MAN1C1: variants seen among roughly 807,000 people sequenced by gnomAD.
MAN1C1 encodes the protein mannosidase alpha class 1C member 1, also known as mannosyl-oligosaccharide 1,2-alpha-mannosidase IC.
Under a neutral mutation model 71.5 loss-of-function variants are expected in MAN1C1, and 49 were observed. That is an observed-to-expected ratio of 0.69 (90% confidence interval 0.54 to 0.87). The LOEUF (loss-of-function observed/expected upper bound fraction) is 0.87. MAN1C1 is among the 40% of genes least tolerant of loss of function. The pLI, the probability that MAN1C1 is intolerant of heterozygous loss-of-function variation, is 0.00. For missense variants in MAN1C1, 743 were observed against 835.0 expected (o/e 0.89, Z 1.36); for synonymous variants, 352 against 343.7 (o/e 1.02, Z -0.27).
At chr1:25,658,905 G>C (rs890623446) in intron 1 of MAN1C1, 1 of 152,482 alleles carries the variant, frequency 6.6e-6, no homozygotes. Flanking sequence ...GGGTTGTCCT[G>C]CTTGCTTATG....
chr1:25,678,979 CAGAGACAAGAAGAGAG>C (rs2046107186), intron 1 of MAN1C1, among the ~76,000 whole-genome samples: 1 of 151,278 alleles, frequency 6.6e-6, no homozygotes, highest in African/African-American at 2.4e-5. Flanking sequence ...GGTAGAGAGA[CAGAGACAAGAAGAGAG>C]AGAGAGGAGA....
At chr1:25,625,596 A>C (rs2045281703) in intron 1 of MAN1C1, among the ~76,000 whole-genome samples, 1 of 152,198 alleles carries the variant, frequency 6.6e-6, no homozygotes, top group Non-Finnish European at 1.5e-5. Context: ...TGGGAGGATC[A>C]CATGAAGATA....
rs1336662268 is a variant in MAN1C1, at chr1:25,712,743, C to T, written c.637+26207C>T. ...GCTTCAACCCTCCCTGGCTTAGTGC[C>T]CTGGGGTGACTTTCAGCCTAGTAGG... On this transcript the variant is annotated intron_variant, in intron 2 of 11. Transcript: ENST00000374332. Among the ~76,000 whole-genome samples, 4 of 152,264 alleles carry T rather than the reference C, an allele frequency of 2.6e-5. No homozygotes were observed. In the East Asian group the frequency reaches 5.8e-4, roughly 22 times the overall value.
rs189151096 is a variant in MAN1C1, at chr1:25,750,477, T to C, written c.834+1142T>C. On this transcript the variant is annotated intron_variant, in intron 4 of 11. Coordinates refer to ENST00000374332, the MANE Select transcript of MAN1C1 (RefSeq NM_020379.4). ...CTGCCCCCCGCCACCCAAGGAGCCA[T>C]GGAGGTGAGGCGGGCAAGCCACAGA... is the stretch of plus-strand genomic sequence containing the variant. Among the ~76,000 whole-genome samples, 1,130 of 152,054 alleles carry C rather than the reference T, an allele frequency of 7.4e-3. 6 individuals carry two copies. Among genetic ancestry groups the C allele is most frequent in the Middle Eastern group, 0.017 (5 of 294 alleles).
chr1:25,714,915 TCCAG>T (rs2046660293), intron 2 of MAN1C1, among the ~76,000 whole-genome samples: 1 of 152,146 alleles, frequency 6.6e-6, no homozygotes, highest in Non-Finnish European at 1.5e-5. Flanking sequence ...GTCTGCACTC[TCCAG>T]TTTGCAAGAT....
chr1:25,750,670 G>T (rs912394845), intron 4 of MAN1C1, among the ~76,000 whole-genome samples: 1 of 152,218 alleles, frequency 6.6e-6, no homozygotes, highest in Non-Finnish European at 1.5e-5. Flanking sequence ...CCTCAGCAGA[G>T]ATTAGCGCTT....
intron 2 of MAN1C1, among the ~76,000 whole-genome samples, chr1:25,688,652 G>A (rs540342284): frequency 1.3e-5 from 2 of 152,294 alleles, no homozygotes; most frequent in South Asian, 4.1e-4. Flanking sequence ...GAAAGAACCC[G>A]GAATTAGAAT....
chr1:25,719,128 A>G (rs2046724884), intron 2 of MAN1C1, among the ~76,000 whole-genome samples: 1 of 148,914 alleles, frequency 6.7e-6, no homozygotes, highest in African/African-American at 2.4e-5. Context: ...GCTGGACTGC[A>G]GTGGCGCGAT....
chr1:25,636,760 A>G (rs1374013733), intron 1 of MAN1C1, among the ~76,000 whole-genome samples: 1 of 152,246 alleles, frequency 6.6e-6, no homozygotes, highest in Non-Finnish European at 1.5e-5. Context: ...AAGAAATTAT[A>G]AAAGTATTAT....
At chr1:25,649,125 T>G (rs969540805) in intron 1 of MAN1C1, among the ~76,000 whole-genome samples, 1 of 152,230 alleles carries the variant, frequency 6.6e-6, no homozygotes, top group African/African-American at 2.4e-5. Context: ...CCAGGTCTTC[T>G]TGATTTGAGT....
At chr1:25,743,178 C>T (rs1158005423) in intron 2 of MAN1C1, among the ~76,000 whole-genome samples, 1 of 152,114 alleles carries the variant, frequency 6.6e-6, no homozygotes, top group Non-Finnish European at 1.5e-5. Flanking sequence ...TGGCTCATAG[C>T]GGCATTTGAA....
intron 1 of MAN1C1, among the ~76,000 whole-genome samples, chr1:25,653,453 A>G (rs2045720974): frequency 1.3e-5 from 2 of 152,074 alleles, no homozygotes; most frequent in Admixed American, 6.6e-5. Flanking sequence ...ATGGTAAACC[A>G]TCTTTTTGTG....
At chr1:25,623,191 C>T (rs1004098633) in intron 1 of MAN1C1, among the ~76,000 whole-genome samples, 1 of 152,188 alleles carries the variant, frequency 6.6e-6, no homozygotes, top group Admixed American at 6.5e-5. Flanking sequence ...CCCAGCCATA[C>T]GCCTCCTCCT....
rs1042516481 is a variant in MAN1C1, at chr1:25,711,699, C to T, written c.637+25163C>T. On this transcript the variant is annotated intron_variant, in intron 2 of 11. Transcript: ENST00000374332. The surrounding 1 kb of genome is among the most constrained non-coding windows in gnomAD (Gnocchi z 4.3). The stretch of plus-strand genomic sequence containing the variant: ...TCCCCTGCGTGCTGCAAGCCTGCCC[C>T]GGGCCCCACTTCCTCCCCTCCTCCG... Among the ~76,000 whole-genome samples, 30 of 151,610 alleles carry T rather than the reference C, an allele frequency of 2.0e-4. 1 individual carries two copies. The highest frequency in any genetic ancestry group is 7.4e-5 in the Non-Finnish European group (5 of 67,864).
rs2047127163 is a variant in MAN1C1 at position 25,746,280 on chromosome 1, G to A, written c.638-388G>A. On this transcript the variant is annotated intron_variant, in intron 2 of 11. Transcript: ENST00000374332. The surrounding 1 kb of genome is among the most constrained non-coding windows in gnomAD (Gnocchi z 4.0). ...AGATCGCACCATTGCACTCCAGACT[G>A]GGTGACAGAGTAAGACCCTGTCTCA... is the stretch of plus-strand genomic sequence containing the variant. 6.6e-6 allele frequency among the ~76,000 whole-genome samples: 1 copy of A among 152,222 alleles called. No homozygotes were observed. Among genetic ancestry groups the A allele is most frequent in the African/African-American group, 2.4e-5 (1 of 41,456 alleles).
chr1:25,772,750 T>C (rs2047571206), intron 8 of MAN1C1, among the ~76,000 whole-genome samples: 1 of 152,112 alleles, frequency 6.6e-6, no homozygotes, highest in South Asian at 2.1e-4. Context: ...ATCCAACTCC[T>C]CTCCTTTACC....
At chr1:25,648,686 A>G (rs545563069) in intron 1 of MAN1C1, among the ~76,000 whole-genome samples, 1 of 152,346 alleles carries the variant, frequency 6.6e-6, no homozygotes, top group Non-Finnish European at 1.5e-5. Flanking sequence ...AGACACAATT[A>G]GCATCCTCTG....
chr1:25,771,442 A>C (rs1288709508), intron 7 of MAN1C1, among the ~76,000 whole-genome samples: 2 of 152,242 alleles, frequency 1.3e-5, no homozygotes, highest in African/African-American at 2.4e-5. Context: ...ACTTTTGTGC[A>C]GGATGAGCGC....
chr1:25,665,393 T>A (rs1166977120), intron 1 of MAN1C1, among the ~76,000 whole-genome samples: 1 of 152,184 alleles, frequency 6.6e-6, no homozygotes, highest in Admixed American at 6.5e-5. Flanking sequence ...ATGGACTCGG[T>A]GTGATAACAG....
Sources: gnomAD v4.1 joint callset for allele counts (sites outside exome capture counted in the v4.1 genomes callset) on GRCh38, gnomAD v4.1.1 for gene constraint, Gnocchi (gnomAD v3.1) non-coding constraint, MANE v1.5 for transcripts, NCBI Gene and HGNC (gene_info 2026-07-23, HGNC 2026-07-21) for gene names.